Variants in GLYATL2 observed in about 807,000 individuals in gnomAD.
GLYATL2 encodes glycine N-acyltransferase-like protein 2.
In GLYATL2, 25 loss-of-function variants were observed where a neutral mutation model predicts 21.4. The observed-to-expected ratio is 1.17, with a 90% CI of 0.85 to 1.63. GLYATL2 has a LOEUF of 1.63. Among genes scored for constraint, GLYATL2 ranks in the 40% most tolerant of loss-of-function variants. The pLI is 0.00. For synonymous variants in GLYATL2, 114 were observed against 118.2 expected, an observed-to-expected ratio of 0.96 and a Z score of 0.23; for missense variants, 361 against 343.3, an observed-to-expected ratio of 1.05 and a Z score of -0.41.
chr11:58,872,039 G>C (rs902491721), intron 1 of GLYATL2, among the ~76,000 whole-genome samples: 2 of 152,198 alleles, frequency 1.3e-5, no homozygotes, highest in African/African-American at 4.8e-5. Flanking sequence ...GGCCAGTGAT[G>C]ATGAGCATTT....
At chr11:58,871,121 A>T (rs1006431749) in intron 1 of GLYATL2, among the ~76,000 whole-genome samples, 11 of 152,176 alleles carry the variant, frequency 7.2e-5, no homozygotes, top group African/African-American at 2.7e-4. Context: ...AAGGAGTTTG[A>T]TCTGAGACAT....
intron 3 of GLYATL2, 32 bp downstream of exon 3, chr11:58,838,229 C>A: frequency 1.4e-6 from 2 of 1,393,056 alleles, no homozygotes; most frequent in Non-Finnish European, 2.0e-6. Context: ...TGGAGAGTGA[C>A]TACCCTCATA....
At chr11:58,899,848 G>A (rs1044036648) in intron 1 of GLYATL2, among the ~76,000 whole-genome samples, 1 of 152,070 alleles carries the variant, frequency 6.6e-6, no homozygotes, top group African/African-American at 2.4e-5. Context: ...TACATATATA[G>A]TTGATGCTCA....
chr11:58,853,995 A>T (rs1173041953), intron 1 of GLYATL2, among the ~76,000 whole-genome samples: 1 of 152,124 alleles, frequency 6.6e-6, no homozygotes, highest in East Asian at 1.9e-4. Flanking sequence ...CCACCATTAT[A>T]CTCTCTGCTT....
At chr11:58,870,624 C>A (rs895455411) in intron 1 of GLYATL2, among the ~76,000 whole-genome samples, 7 of 152,176 alleles carry the variant, frequency 4.6e-5, no homozygotes, top group African/African-American at 1.7e-4. Flanking sequence ...TTTACAAATG[C>A]TGGCAGATGA....
chr11:58,908,202 G>A (rs1348781658), upstream of GLYATL2: 1 of 152,164 alleles, frequency 6.6e-6, no homozygotes. Context: ...AAACTGCCAG[G>A]TTCTGCCTGT....
intron 1 of GLYATL2, among the ~76,000 whole-genome samples, chr11:58,882,593 C>T (rs1214620458): frequency 6.6e-6 from 1 of 152,062 alleles, no homozygotes; most frequent in Non-Finnish European, 1.5e-5. Context: ...TAATAAGATC[C>T]CATTTGTCTA....
intron 1 of GLYATL2, among the ~76,000 whole-genome samples, chr11:58,901,117 G>A (rs1440538758): frequency 6.6e-6 from 1 of 152,172 alleles, no homozygotes; most frequent in African/African-American, 2.4e-5. Context: ...GGCTGCCTGC[G>A]CGGATCCTTT....
rs145554628 is a variant in GLYATL2 at position 58,899,975 on chromosome 11, G to A, written n.60+4181C>T. ...CCTCTCTGTATTTTCAGAGTCCATC[G>A]AATTGTGTGGAACAAAATAGGTATC... On this transcript the variant is annotated intron_variant and non_coding_transcript_variant, in intron 1 of 4. Transcript: ENST00000533636. Among the ~76,000 whole-genome samples the A allele has an allele frequency of 1.4e-4, 22 of 151,802 alleles. No homozygotes were observed. In the East Asian group the frequency reaches 4.1e-3, roughly 28 times the overall value.
chr11:58,840,157 G>C (rs1853519770), intron 1 of GLYATL2, among the ~76,000 whole-genome samples: 1 of 151,872 alleles, frequency 6.6e-6, no homozygotes, highest in African/African-American at 2.4e-5. Flanking sequence ...TTCTCCTAAG[G>C]AACAAAACCA....
intron 1 of GLYATL2, among the ~76,000 whole-genome samples, chr11:58,852,907 A>G (rs1198544098): frequency 4.6e-5 from 7 of 152,334 alleles, no homozygotes; most frequent in Admixed American, 4.6e-4. Flanking sequence ...TTCCTCAATA[A>G]TGAATTCTTT....
chr11:58,907,242 T>C (rs779659682), upstream of GLYATL2: 1 of 456,288 alleles, frequency 2.2e-6, no homozygotes, highest in Non-Finnish European at 4.4e-6. Flanking sequence ...CCTCTGCAGG[T>C]CACCCGCCAG....
intron 1 of GLYATL2, among the ~76,000 whole-genome samples, chr11:58,873,923 T>C (rs1317889427): frequency 6.6e-6 from 1 of 152,158 alleles, no homozygotes. Flanking sequence ...TCCTGGACTT[T>C]TTTTGGTTGG....
intron 1 of GLYATL2, among the ~76,000 whole-genome samples, chr11:58,861,927 C>A (rs1311642662): frequency 6.6e-6 from 1 of 152,056 alleles, no homozygotes; most frequent in African/African-American, 2.4e-5. Context: ...TTTATTATGA[C>A]ATGCTTTGTG....
At chr11:58,849,088 C>T (rs1202034728), upstream of GLYATL2, among the ~76,000 whole-genome samples, 1 of 152,150 alleles carries the variant, frequency 6.6e-6, no homozygotes, top group African/African-American at 2.4e-5. Context: ...AATATTATCT[C>T]ACAAAAATAT....
rs1156531263 is a variant in GLYATL2, at chr11:58,838,246, A to G, written c.186+15T>C. ...GAGAGTGACTACCCTCATATTCAGTAACTATTGCTCCTACCTGTTTCTGAG... is the reference window on the plus strand; with the variant it reads ...GAGAGTGACTACCCTCATATTCAGTGACTATTGCTCCTACCTGTTTCTGAG... On this transcript the variant is annotated intron_variant, in intron 3 of 5. Transcript: ENST00000287275. 5.2e-6 allele frequency: 8 copies of G among 1,541,176 alleles called. No individual in the cohort carries two copies. Among genetic ancestry groups the G allele is most frequent in the Non-Finnish European group, 7.2e-6 (8 of 1,114,364 alleles).
intron 1 of GLYATL2, among the ~76,000 whole-genome samples, chr11:58,843,822 G>A (rs1252259703): frequency 6.6e-6 from 1 of 152,108 alleles, no homozygotes; most frequent in African/African-American, 2.4e-5. Context: ...TGGGATGTAG[G>A]GCTGTTGGCT....
At chr11:58,851,927 A>G (rs1361238611) in intron 1 of GLYATL2, among the ~76,000 whole-genome samples, 3 of 152,200 alleles carry the variant, frequency 2.0e-5, no homozygotes, top group Non-Finnish European at 4.4e-5. Context: ...AGATCCATAG[A>G]TTTGAGATAA....
chr11:58,852,031 A>G (rs1853751001), intron 1 of GLYATL2, among the ~76,000 whole-genome samples: 1 of 152,236 alleles, frequency 6.6e-6, no homozygotes, highest in African/African-American at 2.4e-5. Context: ...AGAAGCATCA[A>G]TAATTTTAAT....
Sources: gnomAD v4.1 joint callset for allele counts (sites outside exome capture counted in the v4.1 genomes callset) on GRCh38, gnomAD v4.1.1 for gene constraint, MANE v1.5 for transcripts, NCBI Gene and HGNC (gene_info 2026-07-23, HGNC 2026-07-21) for gene names.